Variants in UPRT observed in about 807,000 individuals in gnomAD.
UPRT encodes uracil phosphoribosyltransferase homolog.
In UPRT, 5 loss-of-function variants were observed where a neutral mutation model predicts 22.6. The observed-to-expected ratio is 0.22, with a 90% CI of 0.12 to 0.47. The LOEUF (loss-of-function observed/expected upper bound fraction) is 0.47. UPRT is among the 20% of genes least tolerant of loss of function. The probability of loss-of-function intolerance (pLI) is 0.99; values close to 1 mark genes in which losing one functional copy is unlikely to be tolerated. For synonymous variants in UPRT, 77 were observed against 87.7 expected (o/e 0.88, Z 0.68); for missense variants, 181 against 239.9 (o/e 0.75, Z 1.62).
chrX:75,298,039 C>T (rs762176647), intron 4 of UPRT, among the ~76,000 whole-genome samples: 4 of 105,525 alleles, frequency 3.8e-5, no homozygotes, highest in South Asian at 4.3e-4. Flanking sequence ...AGTATGGTGG[C>T]GTGATCATAG....
intron 4 of UPRT, among the ~76,000 whole-genome samples, chrX:75,237,121 A>G (rs1167641465): frequency 3.6e-5 from 4 of 112,453 alleles, no homozygotes; most frequent in Admixed American, 9.4e-5. Flanking sequence ...AAACAAACCC[A>G]TCAAACAGTG....
At chrX:75,237,493 G>A (rs2082471333) in intron 4 of UPRT, among the ~76,000 whole-genome samples, 1 of 110,654 alleles carries the variant, frequency 9.0e-6, no homozygotes, top group South Asian at 3.9e-4. Flanking sequence ...TAAAACACAT[G>A]CACATGTATG....
chrX:75,157,760 G>T (rs1043173969), intron 1 of UPRT, among the ~76,000 whole-genome samples: 5 of 112,201 alleles, frequency 4.5e-5, no homozygotes, highest in African/African-American at 1.6e-4. Context: ...AGTAGCAGTG[G>T]CAGTAGATCG....
chrX:75,264,321 A>G (rs995158009), intron 4 of UPRT, among the ~76,000 whole-genome samples: 6 of 110,943 alleles, frequency 5.4e-5, no homozygotes, highest in South Asian at 3.8e-4. Flanking sequence ...TTGACAGTGG[A>G]GTGTTAAAGT....
At chrX:75,267,900 T>C (rs1298491020) in intron 4 of UPRT, among the ~76,000 whole-genome samples, 1 of 109,835 alleles carries the variant, frequency 9.1e-6, no homozygotes, top group Non-Finnish European at 1.9e-5. Flanking sequence ...AGACAAGAAA[T>C]AACTAAGATC....
intron 1 of UPRT, among the ~76,000 whole-genome samples, chrX:75,288,589 C>T (rs2082692157): frequency 8.9e-6 from 1 of 112,141 alleles, no homozygotes; most frequent in Non-Finnish European, 1.9e-5. Context: ...ATGATCATCT[C>T]AACAGCTGCA....
intron 4 of UPRT, among the ~76,000 whole-genome samples, chrX:75,232,064 G>T (rs891314278): frequency 9.0e-6 from 1 of 111,589 alleles, no homozygotes; most frequent in African/African-American, 3.3e-5. Context: ...GACAGTGGGC[G>T]CAGGTCAGTG....
At position 75,179,578 on chromosome X, in the gene UPRT, G is replaced by A. The variant is rs766304632; in HGVS notation, c.-447+11699G>A. ...TGCCATGGAGCAGGGGGTGGTGCTC[G>A]TCGGGGAGGCTCGGGCCGCACAGGA... On this transcript the variant is annotated intron_variant, in intron 4 of 13. Transcript: ENST00000652605. Among the ~76,000 whole-genome samples the A allele has an allele frequency of 1.0e-3, 115 of 113,218 alleles. 1 individual carries two copies. Among genetic ancestry groups the A allele is most frequent in the African/African-American group, 3.4e-3 (107 of 31,262 alleles).
intron 4 of UPRT, among the ~76,000 whole-genome samples, chrX:75,268,619 A>C (rs929982281): frequency 8.9e-6 from 1 of 112,010 alleles, no homozygotes; most frequent in African/African-American, 3.2e-5. Context: ...CAAATCAATA[A>C]ATGTAACTCA....
At chrX:75,176,076 G>A (rs759016182) in intron 4 of UPRT, among the ~76,000 whole-genome samples, 32 of 111,260 alleles carry the variant, frequency 2.9e-4, no homozygotes, top group Admixed American at 6.7e-4. Flanking sequence ...AAGGCCTCTC[G>A]TAGCCGCTCG....
chrX:75,252,946 A>G (rs185477124), intron 4 of UPRT, among the ~76,000 whole-genome samples: 1 of 111,776 alleles, frequency 8.9e-6, no homozygotes, highest in Non-Finnish European at 1.9e-5. Flanking sequence ...ACAAGGACAA[A>G]AAACGAAACA....
At chrX:75,279,073 C>T (rs1007090402) in intron 1 of UPRT, among the ~76,000 whole-genome samples, 2 of 110,836 alleles carry the variant, frequency 1.8e-5, no homozygotes, top group African/African-American at 6.6e-5. Flanking sequence ...AAAACCTGAC[C>T]ACAGGTAATT....
At chrX:75,158,273 A>G (rs922201110) in intron 1 of UPRT, among the ~76,000 whole-genome samples, 9 of 112,073 alleles carry the variant, frequency 8.0e-5, no homozygotes, top group Admixed American at 1.9e-4. Flanking sequence ...CTCAGCCTGT[A>G]ATAACTTGAC....
intron 4 of UPRT, among the ~76,000 whole-genome samples, chrX:75,258,664 G>T (rs982100426): frequency 8.9e-6 from 1 of 111,963 alleles, no homozygotes; most frequent in Non-Finnish European, 1.9e-5. Context: ...CTGGGACAGA[G>T]CACCTCAGGG....
At chrX:75,192,571 C>T (rs896462897) in intron 4 of UPRT, among the ~76,000 whole-genome samples, 3 of 111,348 alleles carry the variant, frequency 2.7e-5, no homozygotes, top group Non-Finnish European at 5.7e-5. Context: ...GTTAAAGTCT[C>T]CCACTATTAT....
intron 4 of UPRT, among the ~76,000 whole-genome samples, chrX:75,230,793 C>G (rs1297176299): frequency 9.0e-6 from 1 of 111,450 alleles, no homozygotes; most frequent in Non-Finnish European, 1.9e-5. Context: ...GCAGACATAC[C>G]CCATCACCAG....
At chrX:75,162,907 G>A (rs2082204138) in intron 2 of UPRT, among the ~76,000 whole-genome samples, 1 of 111,451 alleles carries the variant, frequency 9.0e-6, no homozygotes, top group Non-Finnish European at 1.9e-5. Flanking sequence ...TGATTTCATG[G>A]TGCTCCGTAA....
intron 4 of UPRT, among the ~76,000 whole-genome samples, chrX:75,222,148 A>T (rs1470237963): frequency 1.8e-5 from 2 of 111,049 alleles, no homozygotes; most frequent in African/African-American, 3.3e-5. Context: ...CCAGGCAGAG[A>T]CTCTTATTCT....
chrX:75,289,407 C>T (rs2082696259), intron 1 of UPRT, among the ~76,000 whole-genome samples: 1 of 105,587 alleles, frequency 9.5e-6, no homozygotes, highest in African/African-American at 3.4e-5. Context: ...CAATGCTATT[C>T]CTCTCAAACT....
Sources: gnomAD v4.1 joint callset for allele counts (sites outside exome capture counted in the v4.1 genomes callset) on GRCh38, gnomAD v4.1.1 for gene constraint, MANE v1.5 for transcripts, NCBI Gene and HGNC (gene_info 2026-07-23, HGNC 2026-07-21) for gene names.